The following PLCL1 variants were observed in gnomAD, a reference collection of about 807,000 sequenced individuals.
PLCL1 encodes the protein phospholipase C like 1 (inactive).
A neutral mutation model predicts 84.4 loss-of-function variants in PLCL1; 41 were observed. The ratio of observed to expected loss-of-function variants is 0.49; its 90% CI spans 0.38 to 0.63. PLCL1 has a LOEUF of 0.63. Ranked by LOEUF, PLCL1 falls within the 30% of genes least tolerant of loss-of-function variation. PLCL1 has a pLI of 0.00. For missense variants in PLCL1, 1,206 were observed against 1,367.8 expected (o/e 0.88, Z 1.87); for synonymous variants, 490 against 488.3 (o/e 1.00, Z -0.05).
intron 1 of PLCL1, among the ~76,000 whole-genome samples, chr2:197,861,925 A>G (rs700689): frequency 0.52 from 78,430 of 152,066 alleles, 21,152 homozygotes; most frequent in African/African-American, 0.66. Flanking sequence ...TAATAATTTA[A>G]AATACGGAAA....
intron 1 of PLCL1, among the ~76,000 whole-genome samples, chr2:197,922,978 C>T (rs1309868924): frequency 2.0e-4 from 21 of 105,206 alleles, no homozygotes; most frequent in African/African-American, 2.9e-4. Flanking sequence ...CCCTCCCGGA[C>T]CGGGCGGCTG....
chr2:197,915,307 G>A (rs1196061462), intron 1 of PLCL1, among the ~76,000 whole-genome samples: 1 of 152,150 alleles, frequency 6.6e-6, no homozygotes. Context: ...ACATAAAGTA[G>A]CAGGATTTGT....
At chr2:197,832,361 A>G (rs956710503) in intron 1 of PLCL1, among the ~76,000 whole-genome samples, 22 of 152,236 alleles carry the variant, frequency 1.4e-4, no homozygotes, top group African/African-American at 5.3e-4. Flanking sequence ...CTACCATAAG[A>G]GAATACTATA....
intron 1 of PLCL1, among the ~76,000 whole-genome samples, chr2:197,817,652 C>G (rs1222885278): frequency 6.6e-6 from 1 of 152,000 alleles, no homozygotes; most frequent in Non-Finnish European, 1.5e-5. Context: ...ACATCGTCAT[C>G]AAAGTAAGAA....
intron 1 of PLCL1, among the ~76,000 whole-genome samples, chr2:198,035,364 G>A (rs1023728596): frequency 1.3e-5 from 2 of 152,196 alleles, no homozygotes; most frequent in Admixed American, 6.5e-5. Flanking sequence ...AGCATAAGTA[G>A]TACCATTATC....
intron 1 of PLCL1, among the ~76,000 whole-genome samples, chr2:198,066,724 T>G (rs1037280840): frequency 2.6e-5 from 4 of 152,150 alleles, no homozygotes; most frequent in Admixed American, 2.6e-4. Context: ...TCCTCTCCTA[T>G]GCATTTGCTG....
intron 1 of PLCL1, among the ~76,000 whole-genome samples, chr2:197,811,459 C>T (rs1448660919): frequency 6.6e-6 from 1 of 152,126 alleles, no homozygotes; most frequent in Non-Finnish European, 1.5e-5. Context: ...TATTAATAAT[C>T]AATCTAGCAT....
At position 198,085,698 on chromosome 2, in the gene PLCL1, C is replaced by T. The variant is rs1299953579; in HGVS notation, c.2181C>T (p.Ile727=). The change falls in exon 2 of 6, where the codon ATC becomes ATT. Residue 727 remains isoleucine (I), a synonymous_variant. Transcript: ENST00000428675. This position sits in a 1 kb window ranked among gnomAD's most constrained non-coding sequence, Gnocchi z 5.3. ...GVSPLALHIK[I]ISGQNFPKPK... ...CTCCTCTAGCTCTTCATATCAAGAT[C>T]ATCAGTGGTCAGAATTTCCCAAAGC... The T allele has an allele frequency of 1.2e-6, 2 of 1,614,114 alleles. No homozygotes were observed. Among genetic ancestry groups the T allele is most frequent in the Admixed American group, 3.3e-5 (2 of 60,014 alleles).
chr2:198,036,826 A>T (rs1691560722), intron 1 of PLCL1, among the ~76,000 whole-genome samples: 1 of 151,970 alleles, frequency 6.6e-6, no homozygotes, highest in Non-Finnish European at 1.5e-5. Context: ...AGTAAAAAAC[A>T]TTTTTTTACA....
intron 1 of PLCL1, among the ~76,000 whole-genome samples, chr2:197,957,989 AG>A (rs1689525437): frequency 6.6e-6 from 1 of 152,078 alleles, no homozygotes; most frequent in South Asian, 2.1e-4. Context: ...AGTGATCCCA[AG>A]TTTATTTCTG....
At chr2:198,118,737 G>A (rs1443633197) in intron 5 of PLCL1, among the ~76,000 whole-genome samples, 2 of 151,968 alleles carry the variant, frequency 1.3e-5, no homozygotes, top group East Asian at 1.9e-4. Flanking sequence ...CTGCACAACC[G>A]TAGGGGGTGC....
At chr2:198,112,838 A>G (rs1693653711) in intron 5 of PLCL1, among the ~76,000 whole-genome samples, 1 of 151,830 alleles carries the variant, frequency 6.6e-6, no homozygotes, top group Non-Finnish European at 1.5e-5. Context: ...GTCTCGCTCA[A>G]CCTAGTAAGC....
At chr2:197,942,935 A>G (rs1689189676) in intron 1 of PLCL1, among the ~76,000 whole-genome samples, 1 of 152,200 alleles carries the variant, frequency 6.6e-6, no homozygotes, top group Non-Finnish European at 1.5e-5. Flanking sequence ...AGCCAGGTGT[A>G]GTGGCTAACA....
chr2:198,113,914 A>C (rs1259708723), intron 5 of PLCL1, among the ~76,000 whole-genome samples: 1 of 151,786 alleles, frequency 6.6e-6, no homozygotes, highest in East Asian at 1.9e-4. Flanking sequence ...GTATCCATAA[A>C]ATTCATTTAA....
At chr2:197,953,953 C>T (rs930872536) in intron 1 of PLCL1, among the ~76,000 whole-genome samples, 4 of 151,890 alleles carry the variant, frequency 2.6e-5, no homozygotes, top group African/African-American at 7.3e-5. Context: ...TGGTCTACAC[C>T]TTGGCAACAA....
chr2:197,956,216 A>G (rs1470408851), intron 1 of PLCL1, among the ~76,000 whole-genome samples: 3 of 152,084 alleles, frequency 2.0e-5, no homozygotes, highest in Non-Finnish European at 4.4e-5. Context: ...TATCCAGTTT[A>G]TCATTGATGA....
chr2:198,125,407 CATAAA>C (rs1693961174), intron 5 of PLCL1, among the ~76,000 whole-genome samples: 1 of 151,750 alleles, frequency 6.6e-6, no homozygotes, highest in East Asian at 1.9e-4. Context: ...TATATGACTA[CATAAA>C]ATAAACAACA....
intron 5 of PLCL1, among the ~76,000 whole-genome samples, chr2:198,112,563 C>T (rs746838608): frequency 6.6e-6 from 1 of 151,860 alleles, no homozygotes; most frequent in Non-Finnish European, 1.5e-5. Flanking sequence ...CTGTTCAGAC[C>T]TACAATCTGT....
At chr2:197,942,169 T>C (rs1173700968) in intron 1 of PLCL1, among the ~76,000 whole-genome samples, 1 of 152,218 alleles carries the variant, frequency 6.6e-6, no homozygotes, top group Non-Finnish European at 1.5e-5. Context: ...TAGATAGTCA[T>C]TGTCTTTCTT....
Sources: gnomAD v4.1 joint callset for allele counts (sites outside exome capture counted in the v4.1 genomes callset) on GRCh38, gnomAD v4.1.1 for gene constraint, Gnocchi (gnomAD v3.1) non-coding constraint, MANE v1.5 for transcripts, NCBI Gene and HGNC (gene_info 2026-07-23, HGNC 2026-07-21) for gene names.